TFB1M: variants seen among roughly 807,000 people sequenced by gnomAD.
TFB1M encodes transcription factor B1, mitochondrial, also known as dimethyladenosine transferase 1, mitochondrial.
A neutral mutation model predicts 31.1 loss-of-function variants in TFB1M; 27 were observed. That is an observed-to-expected ratio of 0.87 (90% CI 0.64 to 1.20). TFB1M has a LOEUF of 1.20. Among genes scored for constraint, TFB1M ranks in the 50% most tolerant of loss-of-function variants. The pLI is 0.00. For missense variants in TFB1M, 394 were observed against 418.7 expected, an observed-to-expected ratio of 0.94 and a Z score of 0.51; for synonymous variants, 166 against 151.8, an observed-to-expected ratio of 1.09 and a Z score of -0.69.
the TFB1M span, among the ~76,000 whole-genome samples, chr6:155,242,732 A>AATTATT: frequency 1.3e-5 from 2 of 151,842 alleles, no homozygotes; most frequent in African/African-American, 4.8e-5. Flanking sequence ...CTTGCCTTCA[A>AATTATT]ATTATTATTA....
At chr6:155,266,479 C>T (rs930524954) in intron 5 of TFB1M, among the ~76,000 whole-genome samples, 1 of 152,144 alleles carries the variant, frequency 6.6e-6, no homozygotes, top group Non-Finnish European at 1.5e-5. Context: ...CAGCCTGAGT[C>T]CCTGCTGGAT....
intron 5 of TFB1M, among the ~76,000 whole-genome samples, chr6:155,280,194 C>G (rs1050609956): frequency 6.6e-6 from 1 of 152,074 alleles, no homozygotes; most frequent in Admixed American, 6.5e-5. Context: ...TGTAAGTAAT[C>G]TGACAGCTTT....
rs546881153 is a variant in TFB1M, at chr6:155,276,287, C to T, written c.666+8871G>A. The T allele has an allele frequency of 1.9e-6, 3 of 1,613,880 alleles. No homozygotes were observed. The highest frequency in any genetic ancestry group is 1.7e-6 in the Non-Finnish European group (2 of 1,180,014). The stretch of plus-strand genomic sequence containing the variant: ...CTGCACCTCCTGTATAAAAAGGAAT[C>T]CAGAAGCTAGACTCGACCCACCCAC... On this transcript the variant is annotated intron_variant, in intron 5 of 6. Transcript: ENST00000367166.
chr6:155,290,406 A>AAAAG (rs1554255536), intron 4 of TFB1M, among the ~76,000 whole-genome samples: 11 of 114,942 alleles, frequency 9.6e-5, no homozygotes, highest in East Asian at 3.0e-4. Flanking sequence ...AAAAAAAAAA[A>AAAAG]AAAAGAAAAG....
chr6:155,307,388 T>C (rs539112686), intron 2 of TFB1M, among the ~76,000 whole-genome samples: 12 of 152,164 alleles, frequency 7.9e-5, no homozygotes, highest in African/African-American at 2.4e-4. Context: ...GGAAGGCAAG[T>C]AGGAGCAAGT....
At chr6:155,265,433 C>T (rs1357462246) in intron 5 of TFB1M, among the ~76,000 whole-genome samples, 2 of 152,080 alleles carry the variant, frequency 1.3e-5, no homozygotes, top group East Asian at 1.9e-4. Context: ...GACTAGACAT[C>T]ACACTGAAGA....
At chr6:155,253,020 T>G, downstream of TFB1M, 1 of 1,614,158 alleles carries the variant, frequency 6.2e-7, no homozygotes, top group Non-Finnish European at 8.5e-7. Flanking sequence ...GATCCCCATC[T>G]CCGCGCTTCA....
At chr6:155,282,962 C>T (rs970867955) in intron 5 of TFB1M, among the ~76,000 whole-genome samples, 3 of 151,996 alleles carry the variant, frequency 2.0e-5, no homozygotes, top group Admixed American at 2.0e-4. Context: ...CTCCTGACCT[C>T]GTGATCCGCC....
chr6:155,279,539 C>T (rs2114723721), intron 5 of TFB1M, among the ~76,000 whole-genome samples: 1 of 152,302 alleles, frequency 6.6e-6, no homozygotes. Context: ...GGTAGTTAGA[C>T]AGAAGTTCAG....
Position 155,314,395 on chromosome 6 carries a change from G to A in TFB1M, c.34C>T (p.Leu12Phe). ...TCTCGAATCGTGGGCAACGGAGGGA[G>A]ACGGCAAGTGCTGAGTTTTCCGGAG... is the stretch of plus-strand genomic sequence containing the variant. ...AASGKLSTCR[L>F]PPLPTIREII... The change falls in exon 1 of 7, where the codon CTC (leucine) becomes TTC (phenylalanine). Residue 12 changes from leucine to phenylalanine, a missense_variant. Physicochemically the swap from Leu to Phe is conservative, Grantham distance 22 (BLOSUM62 0). Around this residue, in one of 3 missense-constraint regions of TFB1M, gnomAD observed 273 missense variants for 256.4 expected, o/e 1.06. Coordinates refer to ENST00000367166, the MANE Select transcript of TFB1M (RefSeq NM_016020.4). The A allele has an allele frequency of 6.2e-7, 1 of 1,614,240 alleles. No individual in the cohort carries two copies. Among genetic ancestry groups the A allele is most frequent in the Non-Finnish European group, 8.5e-7 (1 of 1,180,042 alleles).
At chr6:155,289,375 C>T (rs1776803226) in intron 4 of TFB1M, among the ~76,000 whole-genome samples, 1 of 152,200 alleles carries the variant, frequency 6.6e-6, no homozygotes, top group Non-Finnish European at 1.5e-5. Context: ...TTCCCTGTAA[C>T]TACTCCATGA....
chr6:155,305,698 TAA>T (rs35787898), intron 2 of TFB1M, among the ~76,000 whole-genome samples: 3 of 46,746 alleles, frequency 6.4e-5, no homozygotes, highest in African/African-American at 2.4e-4. Context: ...TATTTATATA[TAA>T]ATATATATTA....
chr6:155,274,459 T>C (rs1785076934), intron 5 of TFB1M, among the ~76,000 whole-genome samples: 1 of 152,238 alleles, frequency 6.6e-6, no homozygotes, highest in Admixed American at 6.5e-5. Flanking sequence ...TGGTATCCTT[T>C]CACATACAAC....
downstream of TFB1M, chr6:155,253,152 CTTTTA>C: frequency 9.8e-7 from 1 of 1,021,428 alleles, no homozygotes; most frequent in African/African-American, 1.6e-5. Flanking sequence ...TTTTTGGTGC[CTTTTA>C]TTTTATAGAC....
At chr6:155,253,245 C>A, downstream of TFB1M, 1 of 513,844 alleles carries the variant, frequency 1.9e-6, no homozygotes, top group Non-Finnish European at 3.4e-6. Context: ...TGGTGGATAG[C>A]TTTTTCTTTG....
At chr6:155,272,930 T>C (rs183939758) in intron 5 of TFB1M, among the ~76,000 whole-genome samples, 144 of 152,256 alleles carry the variant, frequency 9.5e-4, no homozygotes, top group African/African-American at 3.3e-3. Flanking sequence ...TTATAATTGG[T>C]AAGCTGAACA....
In TFB1M at chr6:155,268,885, C is replaced by T. The variant is rs373049471; in HGVS notation, c.667-8485G>A. The stretch of plus-strand genomic sequence containing the variant: ...CTTGTTTATCTGCTGACCTTCCCTC[C>T]ACTATTGTCCTATGACCCTGCCAAA... On this transcript the variant is annotated intron_variant, in intron 5 of 6. Transcript: ENST00000367166. Among the ~76,000 whole-genome samples the T allele has an allele frequency of 6.2e-4, 92 of 147,472 alleles. No homozygotes were observed. In the South Asian group the frequency reaches 0.016, roughly 26 times the overall value.
At chr6:155,286,992 T>C (rs150408743) in intron 4 of TFB1M, among the ~76,000 whole-genome samples, 6 of 152,148 alleles carry the variant, frequency 3.9e-5, no homozygotes, top group African/African-American at 1.4e-4. Flanking sequence ...ATAGAATATA[T>C]AAGGCAACTC....
rs1392386878 is a variant in TFB1M at position 155,285,363 on chromosome 6, C to A, written c.547-86G>T. 3.2e-6 allele frequency: 5 copies of A among 1,545,440 alleles called. No individual in the cohort carries two copies. The African/African-American group carries it at 6.8e-5, about 21-fold the overall frequency. On this transcript the variant is annotated intron_variant, in intron 4 of 6. Transcript: ENST00000367166. ...GAGTCAACATTCCATTATTTCTGAA[C>A]ACTAGGTGGACTTTTTGAGGCAAAT...
Sources: gnomAD v4.1 joint callset for allele counts (sites outside exome capture counted in the v4.1 genomes callset) on GRCh38, gnomAD v4.1.1 for gene constraint, gnomAD v4.1.1 regional missense constraint, MANE v1.5 for transcripts, NCBI Gene and HGNC (gene_info 2026-07-23, HGNC 2026-07-21) for gene names.